Variants in MAP2K4 observed in about 807,000 individuals in gnomAD.
MAP2K4 encodes mitogen-activated protein kinase kinase 4.
MAP2K4 carries 4 observed loss-of-function variants against 48.5 expected under a neutral mutation model. The ratio of observed to expected loss-of-function variants is 0.08; its 90% confidence interval spans 0.04 to 0.19. The LOEUF is 0.19. Among genes scored for constraint, MAP2K4 ranks in the 10% least tolerant of loss-of-function variants. MAP2K4 has a pLI of 1.00. For synonymous variants in MAP2K4, 166 were observed against 173.1 expected (o/e 0.96, Z 0.32); for missense variants, 258 against 493.3 (o/e 0.52, Z 4.52).
intron 2 of MAP2K4, chr17:12,069,705 A>T: frequency 9.8e-7 from 1 of 1,024,106 alleles, no homozygotes; most frequent in South Asian, 3.7e-5. Flanking sequence ...GGAAGCAGGC[A>T]GTTTCCATGG....
rs544434967 is a variant in MAP2K4, at chr17:12,095,921, G to A, written c.513+227G>A. 2.9e-3 allele frequency among the ~76,000 whole-genome samples: 432 copies of A among 150,128 alleles called. 2 individuals are homozygous for A. Among genetic ancestry groups the A allele is most frequent in the African/African-American group, 6.8e-3 (273 of 40,012 alleles). ...TGTGTGTGTGTGTGTGTGTGTGTGT[G>A]TGTGTGTATTTTAGTATTGGTGGCT... On this transcript the variant is annotated intron_variant, in intron 4 of 10. Transcript: ENST00000353533.
In MAP2K4 at chr17:12,141,347, T is replaced by G; in HGVS notation, c.*87T>G. On this transcript the variant is annotated 3_prime_UTR_variant, in exon 11 of 11. Coordinates refer to ENST00000353533, the MANE Select transcript of MAP2K4 (RefSeq NM_003010.4). ...TCATCCCGTATCACAGTGTTTTTATTGCTCGCCCAGACACCATGTGCAATA... is the reference window on the plus strand; with the variant it reads ...TCATCCCGTATCACAGTGTTTTTATGGCTCGCCCAGACACCATGTGCAATA... 2.2e-6 allele frequency: 2 copies of G among 927,968 alleles called. No individual in the cohort carries two copies. The highest frequency in any genetic ancestry group is 2.6e-5 in the South Asian group (2 of 75,866). The allele number at this position is 927,968 out of a possible 1,614,324, so 57.5% of individuals were successfully genotyped here.
At chr17:12,064,836 A>T (rs1462798993) in intron 2 of MAP2K4, among the ~76,000 whole-genome samples, 1 of 152,236 alleles carries the variant, frequency 6.6e-6, no homozygotes, top group Non-Finnish European at 1.5e-5. Flanking sequence ...AAGAATGAAG[A>T]AACAAATTAT....
chr17:12,091,722 C>G (rs906070438), intron 3 of MAP2K4, among the ~76,000 whole-genome samples: 3 of 151,904 alleles, frequency 2.0e-5, no homozygotes, highest in African/African-American at 7.3e-5. Context: ...TTGGCATTTA[C>G]CTGCTTTATT....
intron 9 of MAP2K4, among the ~76,000 whole-genome samples, chr17:12,133,515 A>G (rs1973103717): frequency 1.3e-5 from 2 of 152,210 alleles, no homozygotes; most frequent in Non-Finnish European, 2.9e-5. Flanking sequence ...GGGCCTGTTC[A>G]GTGGTCACCA....
intron 2 of MAP2K4, among the ~76,000 whole-genome samples, chr17:12,073,553 C>T (rs1458173049): frequency 4.6e-5 from 7 of 152,084 alleles, no homozygotes; most frequent in African/African-American, 1.2e-4. Context: ...TGGGCAAATC[C>T]GTATCAGACA....
intron 2 of MAP2K4, among the ~76,000 whole-genome samples, chr17:12,056,778 C>T (rs1220025707): frequency 1.3e-5 from 2 of 152,092 alleles, no homozygotes; most frequent in African/African-American, 2.4e-5. Context: ...TTGTACTCTT[C>T]CTCTGAGTTG....
chr17:12,143,574 A>G lies in MAP2K4; in HGVS notation c.*2314A>G, dbSNP rs28921115. ...TATTTGTCTGTAAAAAATGGAGCTC[A>G]GTAACATAACTGCTTCTTGGAGCTT... On this transcript the variant is annotated 3_prime_UTR_variant, in exon 11 of 11. Coordinates refer to ENST00000353533, the MANE Select transcript of MAP2K4 (RefSeq NM_003010.4). 1,392 of 230,890 alleles carry G rather than the reference A, an allele frequency of 6.0e-3. 36 individuals are homozygous for G. In the East Asian group the frequency reaches 0.067, roughly 11 times the overall value. 14.3% of individuals were successfully genotyped at this position (230,890 alleles called of 1,614,324 possible). A position where few individuals can be genotyped will look rare whatever the true frequency, so the allele number is the denominator to read the frequency against.
intron 2 of MAP2K4, among the ~76,000 whole-genome samples, chr17:12,061,686 A>G (rs1333289496): frequency 6.6e-6 from 1 of 152,202 alleles, no homozygotes; most frequent in Non-Finnish European, 1.5e-5. Context: ...TTTAACCCAC[A>G]GTACTTCTAA....
chr17:12,038,422 G>A (rs900634199), intron 1 of MAP2K4, among the ~76,000 whole-genome samples: 20 of 152,124 alleles, frequency 1.3e-4, no homozygotes, highest in African/African-American at 4.6e-4. Context: ...AATCAAGTGC[G>A]TACGAACATA....
intron 4 of MAP2K4, among the ~76,000 whole-genome samples, chr17:12,097,315 G>T (rs757594): frequency 6.6e-6 from 1 of 152,060 alleles, no homozygotes; most frequent in African/African-American, 2.4e-5. Context: ...CCCCAGCTCT[G>T]CCTGAACCCT....
chr17:12,070,940 TG>T (rs1354636418), intron 2 of MAP2K4, among the ~76,000 whole-genome samples: 1 of 152,238 alleles, frequency 6.6e-6, no homozygotes, highest in African/African-American at 2.4e-5. Flanking sequence ...GCCAGAAATC[TG>T]AAGGTGTTGG....
intron 1 of MAP2K4, among the ~76,000 whole-genome samples, chr17:12,040,525 G>A (rs1357243603): frequency 6.6e-6 from 1 of 152,168 alleles, no homozygotes; most frequent in African/African-American, 2.4e-5. Context: ...CAAAAGCCAC[G>A]TCAAGTAATA....
intron 1 of MAP2K4, among the ~76,000 whole-genome samples, chr17:12,030,371 G>A (rs1969397173): frequency 6.6e-6 from 1 of 152,170 alleles, no homozygotes; most frequent in African/African-American, 2.4e-5. Context: ...ATGTTTGGAT[G>A]AGACCCCAGA....
chr17:12,066,925 C>G (rs1024796136), intron 2 of MAP2K4, among the ~76,000 whole-genome samples: 6 of 152,250 alleles, frequency 3.9e-5, no homozygotes, highest in African/African-American at 1.4e-4. Flanking sequence ...GATCCGCCCG[C>G]CTCGGCCTCC....
intron 4 of MAP2K4, 93 bp downstream of exon 4, chr17:12,095,787 T>A: frequency 7.3e-7 from 1 of 1,361,448 alleles, no homozygotes. Context: ...ATGCCATACA[T>A]TAGTAATAAG....
chr17:12,113,910 A>G (rs570601378), intron 7 of MAP2K4, among the ~76,000 whole-genome samples: 2 of 152,308 alleles, frequency 1.3e-5, no homozygotes, highest in East Asian at 3.9e-4. Context: ...TTACCCCAGT[A>G]TATTTGCATA....
In MAP2K4 at chr17:12,023,266, G is replaced by A. The variant is rs28918079; in HGVS notation, c.115+2265G>A. ...AAGCTTGAACTTAAGCAGCAATTTA[G>A]GATCCTTCTTTTTGGTTTGTTTTGT... On this transcript the variant is annotated intron_variant, in intron 1 of 10. Coordinates refer to ENST00000353533, the MANE Select transcript of MAP2K4 (RefSeq NM_003010.4). Among the ~76,000 whole-genome samples the A allele has an allele frequency of 1.8e-3, 267 of 152,208 alleles. 6 individuals carry two copies. The East Asian group carries it at 0.045, about 26-fold the overall frequency.
chr17:12,129,733 A>G (rs953590673), intron 9 of MAP2K4, among the ~76,000 whole-genome samples: 2 of 152,230 alleles, frequency 1.3e-5, no homozygotes, highest in African/African-American at 4.8e-5. Flanking sequence ...AGTTGGTTAT[A>G]TGTAGTAGGG....
Sources: gnomAD v4.1 joint callset for allele counts (sites outside exome capture counted in the v4.1 genomes callset) on GRCh38, gnomAD v4.1.1 for gene constraint, MANE v1.5 for transcripts, NCBI Gene and HGNC (gene_info 2026-07-23, HGNC 2026-07-21) for gene names.